ZNF319: variants seen among roughly 807,000 people sequenced by gnomAD.
The protein encoded by ZNF319 is zinc finger protein 319.
ZNF319 carries 15 observed loss-of-function variants against 46.0 expected under a neutral mutation model. The observed-to-expected ratio is 0.33, with a 90% CI of 0.22 to 0.50. The LOEUF (loss-of-function observed/expected upper bound fraction) is 0.50. Among genes scored for constraint, ZNF319 ranks in the 20% least tolerant of loss-of-function variants. The probability of loss-of-function intolerance (pLI) is 0.98; values close to 1 mark genes in which losing one functional copy is unlikely to be tolerated. For synonymous variants in ZNF319, 368 were observed against 364.0 expected (o/e 1.01, Z -0.13); for missense variants, 635 against 807.0 (o/e 0.79, Z 2.58).
intron 1 of ZNF319, among the ~76,000 whole-genome samples, chr16:57,999,047 A>G (rs1271245069): frequency 6.6e-6 from 1 of 151,916 alleles, no homozygotes; most frequent in Non-Finnish European, 1.5e-5. Context: ...AAAAACTCTC[A>G]CCTATGAGGG....
At position 57,996,617 on chromosome 16, in the gene ZNF319, C is replaced by T. The variant is rs1223268387; in HGVS notation, c.1649G>A (p.Arg550His). 7 of 1,609,224 alleles carry T rather than the reference C, an allele frequency of 4.3e-6. No individual in the cohort carries two copies. The highest frequency in any genetic ancestry group is 2.2e-5 in the East Asian group (1 of 44,866). ...CTGCAACAAGGCCACGTCTAGGAAG[C>T]GCTCCCCGCACCATACACACTTGAA... ...QQFKCVWCGERFLDVALLQEH... is the reference protein window; with the variant it reads ...QQFKCVWCGEHFLDVALLQEH... Residue 550 changes from arginine (R) to histidine (H), a missense_variant, in exon 2 of 2, where the codon CGC becomes CAC. Coordinates refer to ENST00000299237, the MANE Select transcript of ZNF319 (RefSeq NM_020807.3).
rs777044587 is a variant in ZNF319 at position 57,996,709 on chromosome 16, G to A, written c.1557C>T (p.Cys519=). The A allele has an allele frequency of 4.3e-6, 7 of 1,612,268 alleles. No individual in the cohort carries two copies. The highest frequency in any genetic ancestry group is 1.3e-5 in the African/African-American group (1 of 74,936). The change falls in exon 2 of 2, where the codon TGC becomes TGT. Residue 519 remains cysteine, a synonymous_variant. Transcript: ENST00000299237. ...GCTCCCGCTGCTTGAAGGCCTTGTCGCAGTTGGGGCACTTGTAGGGCTTCT... is the reference window on the plus strand; with the variant it reads ...GCTCCCGCTGCTTGAAGGCCTTGTCACAGTTGGGGCACTTGTAGGGCTTCT... ...TGEKPYKCPN[C]DKAFKQREHL... is the part of the protein sequence containing the mutation.
In ZNF319 at chr16:57,997,893, C is replaced by A. The variant is rs145368309; in HGVS notation, c.373G>T (p.Val125Leu). 3.1e-6 allele frequency: 5 copies of A among 1,613,552 alleles called. No homozygotes were observed. The highest frequency in any genetic ancestry group is 4.2e-6 in the Non-Finnish European group (5 of 1,180,052). The change falls in exon 2 of 2, where the codon GTG becomes TTG. Residue 125 changes from valine to leucine, a missense_variant. Transcript: ENST00000299237. ...QATDLLEHQC[V>L]QAEQKPFVCG... ...ACGAAGGGCTTCTGCTCAGCCTGCA[C>A]GCACTGGTGCTCCAGCAGGTCAGTG...
chr16:57,997,870 G>A lies in ZNF319; in HGVS notation c.396C>T (p.Phe132=), dbSNP rs1483005450. ...AGCCCATCTTGCAGACCCCACAGAC[G>A]AAGGGCTTCTGCTCAGCCTGCACGC... ...HQCVQAEQKP[F]VCGVCKMGFS... is the part of the protein sequence containing the mutation. The change falls in exon 2 of 2, where the codon TTC becomes TTT. Residue 132 remains phenylalanine, a synonymous_variant. Transcript: ENST00000299237. 2.5e-6 allele frequency: 4 copies of A among 1,613,234 alleles called. No homozygotes were observed. The highest frequency in any genetic ancestry group is 2.2e-5 in the East Asian group (1 of 44,896).
rs1458843711 is a variant in ZNF319, at chr16:57,997,201, C to G, written c.1065G>C (p.Gln355His). The G allele has an allele frequency of 3.7e-6, 6 of 1,613,676 alleles. No individual in the cohort carries two copies. The South Asian group carries it at 5.5e-5, about 15-fold the overall frequency. Reference sequence around the variant, plus strand: ...TGCGCCGGTGGCGCATCAGTGCGTACTGCTGCTTGAAGCCCATGGGGCACA... The same window carrying G: ...TGCGCCGGTGGCGCATCAGTGCGTAGTGCTGCTTGAAGCCCATGGGGCACA... The part of the protein sequence containing the change: ...CDLCPMGFKQ[Q>H]YALMRHRRTH... Residue 355 changes from glutamine to histidine, a missense_variant, in exon 2 of 2, where the codon CAG becomes CAC. Gln to His is a conservative substitution (Grantham distance 24). Transcript: ENST00000299237.
chr16:57,996,017 G>A lies in ZNF319; in HGVS notation c.*500C>T, dbSNP rs555005463. On this transcript the variant is annotated 3_prime_UTR_variant, in exon 2 of 2. Transcript: ENST00000299237. ...CTGCCCTCCCAGTCCCCAGGCCTAC[G>A]TCTTAAAGCTGGCCTTCTCCCCCAC... 277 of 158,544 alleles carry A rather than the reference G, an allele frequency of 1.7e-3. 1 individual carries two copies. The highest frequency in any genetic ancestry group is 6.2e-3 in the African/African-American group (259 of 41,638). 9.8% of individuals were successfully genotyped at this position (158,544 alleles called of 1,614,324 possible).
intron 1 of ZNF319, 126 bp from the exon 2 acceptor site, chr16:57,998,648 C>T (rs1963080593): frequency 5.6e-6 from 1 of 179,530 alleles, no homozygotes; most frequent in Non-Finnish European, 1.2e-5. Context: ...CAGAGGTGCT[C>T]AGGGCTGCAG....
At position 57,996,188 on chromosome 16, in the gene ZNF319, C is replaced by T; in HGVS notation, c.*329G>A. 1 of 365,998 alleles carries T rather than the reference C, an allele frequency of 2.7e-6. No homozygotes were observed. The highest frequency in any genetic ancestry group is 5.0e-6 in the Non-Finnish European group (1 of 202,020). The allele number at this position is 365,998 out of a possible 1,614,324, so 22.7% of individuals were successfully genotyped here. A position where few individuals can be genotyped will look rare whatever the true frequency, so the allele number is the denominator to read the frequency against. ...CACCCTCCTTAGGGCAGGGAGAAGC[C>T]ACTTGACTTCCAGCCTGGCTCCAGT... On this transcript the variant is annotated 3_prime_UTR_variant, in exon 2 of 2. Coordinates refer to ENST00000299237, the MANE Select transcript of ZNF319 (RefSeq NM_020807.3).
At position 57,997,951 on chromosome 16, in the gene ZNF319, C is replaced by T. The variant is rs370379809; in HGVS notation, c.315G>A (p.Gln105=). The T allele has an allele frequency of 6.2e-7, 1 of 1,613,460 alleles. No individual in the cohort carries two copies. The highest frequency in any genetic ancestry group is 1.3e-5 in the African/African-American group (1 of 74,956). ...QCLAGHDRSF[Q]CTQCLKIFHQ... ...GGAAGATCTTGAGACACTGTGTGCA[C>T]TGGAATGAGCGGTCATGGCCCGCCA... The change falls in exon 2 of 2, where the codon CAG becomes CAA. Residue 105 remains glutamine, a synonymous_variant. Coordinates refer to ENST00000299237, the MANE Select transcript of ZNF319 (RefSeq NM_020807.3).
chr16:57,996,586 G>T lies in ZNF319; in HGVS notation c.1680C>A (p.His560Gln). Residue 560 changes from histidine (H) to glutamine (Q), a missense_variant, in exon 2 of 2, where the codon CAC becomes CAA. His to Gln is a conservative substitution (Grantham distance 24). This residue lies in a region of ZNF319 where 270 missense variants were observed against 281.4 expected (regional missense o/e 0.96). Transcript: ENST00000299237. ...RFLDVALLQE[H>Q]SAQHSAAAAA... ...CGGCGGCGGCACTGTGCTGCGCGCTGTGCTCCTGCAACAAGGCCACGTCTA... is the reference window on the plus strand; with the variant it reads ...CGGCGGCGGCACTGTGCTGCGCGCTTTGCTCCTGCAACAAGGCCACGTCTA... The T allele has an allele frequency of 6.3e-7, 1 of 1,599,868 alleles. No individual in the cohort carries two copies.
rs747998257 is a variant in ZNF319, at chr16:57,997,746, C to T, written c.520G>A (p.Glu174Lys). The T allele has an allele frequency of 4.3e-6, 7 of 1,613,328 alleles. No individual in the cohort carries two copies. The highest frequency in any genetic ancestry group is 8.5e-7 in the Non-Finnish European group (1 of 1,180,044). Residue 174 changes from glutamate (E) to lysine (K), a missense_variant, in exon 2 of 2, where the codon GAG becomes AAG. Transcript: ENST00000299237. ...EKTYKPAEAAEPATTAAPSLP... is the reference protein window; with the variant it reads ...EKTYKPAEAAKPATTAAPSLP... ...GACGGGGCGGCTGTGGTGGCTGGCT[C>T]CGCTGCCTCAGCTGGCTTGTAGGTC...
At chr16:57,999,127 C>T (rs1378486192) in intron 1 of ZNF319, among the ~76,000 whole-genome samples, 2 of 152,036 alleles carry the variant, frequency 1.3e-5, no homozygotes, top group African/African-American at 4.8e-5. Context: ...GATGGGTGGC[C>T]CTACAGGAAC....
chr16:57,995,402 G>A lies in ZNF319; in HGVS notation c.*1115C>T, dbSNP rs1050515582. 1 of 152,542 alleles carries A rather than the reference G, an allele frequency of 6.6e-6. No individual in the cohort carries two copies. The highest frequency in any genetic ancestry group is 1.5e-5 in the Non-Finnish European group (1 of 68,076). The allele number at this position is 152,542 out of a possible 1,614,324, so 9.4% of individuals were successfully genotyped here. A position where few individuals can be genotyped will look rare whatever the true frequency, so the allele number is the denominator to read the frequency against. On this transcript the variant is annotated 3_prime_UTR_variant, in exon 2 of 2. Transcript: ENST00000299237. ...ACTCTGGCCTTTGAAGTAGCTGGAT[G>A]TTGTCCAGAACATCTTGGCTGTACC...
rs1963071552 is a variant in ZNF319, at chr16:57,998,329, A to G, written c.-64T>C. 4 of 1,509,376 alleles carry G rather than the reference A, an allele frequency of 2.7e-6. No individual in the cohort carries two copies. Among genetic ancestry groups the G allele is most frequent in the Admixed American group, 2.3e-5 (1 of 43,852 alleles). 93.5% of individuals were successfully genotyped at this position (1,509,376 alleles called of 1,614,324 possible). ...TCAGTTTCCCGCTTCACGTGACCCA[A>G]TCCAGAGAGAGAAGCTGCCCAATCA... On this transcript the variant is annotated 5_prime_UTR_variant, in exon 2 of 2. Coordinates refer to ENST00000299237, the MANE Select transcript of ZNF319 (RefSeq NM_020807.3).
Position 58,000,498 on chromosome 16 carries a change from C to T in ZNF319, c.-1263G>A, listed in dbSNP as rs1963149528. 1 of 149,922 alleles carries T rather than the reference C, an allele frequency of 6.7e-6. No individual in the cohort carries two copies. The highest frequency in any genetic ancestry group is 1.5e-5 in the Non-Finnish European group (1 of 67,116). The allele number at this position is 149,922 out of a possible 1,614,324, so 9.3% of individuals were successfully genotyped here. A position where few individuals can be genotyped will look rare whatever the true frequency, so the allele number is the denominator to read the frequency against. On this transcript the variant is annotated 5_prime_UTR_variant, in exon 1 of 2. Transcript: ENST00000299237. The surrounding 1 kb of genome is among the most constrained non-coding windows in gnomAD (Gnocchi z 4.5). ...CCGGCTCCATCCGCGGCGGCGCGGCCTACGCGCGCTGCCAATCCCCGGCCT... is the reference window on the plus strand; with the variant it reads ...CCGGCTCCATCCGCGGCGGCGCGGCTTACGCGCGCTGCCAATCCCCGGCCT...
Position 57,995,099 on chromosome 16 carries a change from T to C in ZNF319, c.*1418A>G. ...CCCTCAGGGCCCTTGGTGTGCCCAC[T>C]GATTAGTCTTCTTTCAAGACCAGGG... On this transcript the variant is annotated 3_prime_UTR_variant, in exon 2 of 2. Transcript: ENST00000299237. 1 of 152,284 alleles carries C rather than the reference T, an allele frequency of 6.6e-6. No homozygotes were observed. The highest frequency in any genetic ancestry group is 1.5e-5 in the Non-Finnish European group (1 of 68,026). The allele number at this position is 152,284 out of a possible 1,614,324, so 9.4% of individuals were successfully genotyped here.
chr16:57,997,244 C>T lies in ZNF319; in HGVS notation c.1022G>A (p.Arg341Gln). ...GGGGCACAGGTCGCACTTGAAGGGCCGCTCGGCGCTGTGTGTGCGCTCATG... is the reference window on the plus strand; with the variant it reads ...GGGGCACAGGTCGCACTTGAAGGGCTGCTCGGCGCTGTGTGTGCGCTCATG... ...RQHERTHSAE[R>Q]PFKCDLCPMG... Residue 341 changes from arginine (R) to glutamine (Q), a missense_variant, in exon 2 of 2, where the codon CGG becomes CAG. Coordinates refer to ENST00000299237, the MANE Select transcript of ZNF319 (RefSeq NM_020807.3). 6.2e-7 allele frequency: 1 copy of T among 1,612,254 alleles called. No homozygotes were observed. The highest frequency in any genetic ancestry group is 8.5e-7 in the Non-Finnish European group (1 of 1,179,862).
At position 57,998,320 on chromosome 16, in the gene ZNF319, C is replaced by T. The variant is rs1963071010; in HGVS notation, c.-55G>A. On this transcript the variant is annotated 5_prime_UTR_variant, in exon 2 of 2. It adds an upstream start codon to the 5' untranslated region. Transcript: ENST00000299237. ...GTAATGGCTTCAGTTTCCCGCTTCA[C>T]GTGACCCAATCCAGAGAGAGAAGCT... The T allele has an allele frequency of 2.6e-6, 4 of 1,510,618 alleles. No homozygotes were observed. Among genetic ancestry groups the T allele is most frequent in the Non-Finnish European group, 3.5e-6 (4 of 1,128,912 alleles). 93.6% of individuals were successfully genotyped at this position (1,510,618 alleles called of 1,614,324 possible). A position where few individuals can be genotyped will look rare whatever the true frequency, so the allele number is the denominator to read the frequency against.
intron 1 of ZNF319, among the ~76,000 whole-genome samples, chr16:57,999,033 T>C (rs1446160300): frequency 6.6e-6 from 1 of 152,072 alleles, no homozygotes; most frequent in Non-Finnish European, 1.5e-5. Context: ...CCAAGGACCA[T>C]TTCAAAAACT....
Sources: gnomAD v4.1 joint callset for allele counts (sites outside exome capture counted in the v4.1 genomes callset) on GRCh38, gnomAD v4.1.1 for gene constraint, gnomAD v4.1.1 regional missense constraint, Gnocchi (gnomAD v3.1) non-coding constraint, MANE v1.5 for transcripts, NCBI Gene and HGNC (gene_info 2026-07-23, HGNC 2026-07-21) for gene names.